The following BRCA2 variants were observed in gnomAD, a reference collection of about 807,000 sequenced individuals.
The protein encoded by BRCA2 is breast cancer type 2 susceptibility protein.
In BRCA2, 203 loss-of-function variants were observed where a neutral mutation model predicts 276.7. The ratio of observed to expected loss-of-function variants is 0.73; its 90% CI spans 0.65 to 0.82. The LOEUF (loss-of-function observed/expected upper bound fraction) is 0.82. Among genes scored for constraint, BRCA2 ranks in the 40% least tolerant of loss-of-function variants. The pLI is 0.00. For missense variants in BRCA2, 3,920 were observed against 3,915.0 expected (o/e 1.00, Z -0.03); for synonymous variants, 1,289 against 1,338.4 (o/e 0.96, Z 0.81).
chr13:32,357,463 A>G (rs1371820184), intron 15 of BRCA2, among the ~76,000 whole-genome samples: 1 of 152,148 alleles, frequency 6.6e-6, no homozygotes, highest in Non-Finnish European at 1.5e-5. Flanking sequence ...AAAACATCAC[A>G]TTTTTTTATC....
At chr13:32,346,794 A>G in intron 12 of BRCA2, 33 bp from the exon 13 acceptor site, 1 of 1,524,000 alleles carries the variant, frequency 6.6e-7, no homozygotes, top group Admixed American at 1.7e-5. Context: ...TTAGATTTTA[A>G]CTAATATGTA....
chr13:32,323,693 A>C (rs990573415), intron 3 of BRCA2, among the ~76,000 whole-genome samples: 4 of 152,210 alleles, frequency 2.6e-5, no homozygotes, highest in African/African-American at 7.2e-5. Flanking sequence ...ACTTTATTTT[A>C]GTAACATTGA....
At chr13:32,342,019 C>T (rs1282251440) in intron 11 of BRCA2, among the ~76,000 whole-genome samples, 2 of 151,948 alleles carry the variant, frequency 1.3e-5, no homozygotes, top group Admixed American at 1.3e-4. Flanking sequence ...TGCCTGTAAT[C>T]CCAGCACTTT....
At chr13:32,354,215 T>A (rs1262960458) in intron 13 of BRCA2, among the ~76,000 whole-genome samples, 1 of 152,164 alleles carries the variant, frequency 6.6e-6, no homozygotes, top group Non-Finnish European at 1.5e-5. Context: ...CATTAACAAC[T>A]TTATTGAGAA....
At chr13:32,384,311 C>T (rs1456816810) in intron 24 of BRCA2, among the ~76,000 whole-genome samples, 3 of 152,012 alleles carry the variant, frequency 2.0e-5, no homozygotes, top group Non-Finnish European at 2.9e-5. Context: ...GAAAGGGTGA[C>T]GGTAGTGGAG....
intron 18 of BRCA2, among the ~76,000 whole-genome samples, chr13:32,364,385 AT>A (rs2072767080): frequency 6.6e-6 from 1 of 152,114 alleles, no homozygotes; most frequent in African/African-American, 2.4e-5. Flanking sequence ...CTGTTTGACT[AT>A]TTTTTAGCTT....
intron 24 of BRCA2, among the ~76,000 whole-genome samples, chr13:32,386,938 G>A (rs1387548840): frequency 6.6e-6 from 1 of 152,160 alleles, no homozygotes; most frequent in Non-Finnish European, 1.5e-5. Context: ...GTGTTGGCAG[G>A]GTTAATTCCT....
At chr13:32,361,089 A>G (rs544652601) in intron 16 of BRCA2, among the ~76,000 whole-genome samples, 44 of 152,344 alleles carry the variant, frequency 2.9e-4, no homozygotes, top group African/African-American at 1.0e-3. Context: ...CAGGTAAAGT[A>G]TAGGCCAAAT....
chr13:32,339,899 T>A lies in BRCA2; in HGVS notation c.5544T>A (p.Ser1848Arg). 1 of 1,609,404 alleles carries A rather than the reference T, an allele frequency of 6.2e-7. No homozygotes were observed. Among genetic ancestry groups the A allele is most frequent in the Middle Eastern group, 1.7e-4 (1 of 6,038 alleles). The change falls in exon 11 of 27, where the codon AGT (serine) becomes AGA (arginine). Residue 1848 changes from serine to arginine, a missense_variant. Transcript: ENST00000380152. ...GGCCACCTGCATTTAGGATAGCCAG[T>A]GGTAAAATCGTTTGTGTTTCACATG... ...EVGPPAFRIA[S>R]GKIVCVSHET...
In BRCA2 at chr13:32,333,052, C is replaced by T. The variant is rs397507271; in HGVS notation, c.1574C>T (p.Thr525Ile). The T allele has an allele frequency of 4.4e-6, 7 of 1,608,254 alleles. No homozygotes were observed. Among genetic ancestry groups the T allele is most frequent in the Non-Finnish European group, 5.1e-6 (6 of 1,178,712 alleles). Residue 525 changes from threonine to isoleucine, a missense_variant, in exon 10 of 27, where the codon ACT (threonine) becomes ATT (isoleucine). Thr to Ile is a moderately conservative substitution (Grantham distance 89). Coordinates refer to ENST00000380152, the MANE Select transcript of BRCA2 (RefSeq NM_000059.4). ...AATGCAAGTTTTTCAGGTCATATGA[C>T]TGATCCAAACTTTAAAAAAGAAACT... ...TFNASFSGHM[T>I]DPNFKKETEA...
rs80359240 is a variant in BRCA2, at chr13:32,398,231, G to A, written c.9718G>A (p.Val3240Ile). Residue 3240 changes from valine to isoleucine, a missense_variant, in exon 27 of 27, where the codon GTT becomes ATT. Physicochemically the swap from Val to Ile is conservative, Grantham distance 29 (BLOSUM62 3). Coordinates refer to ENST00000380152, the MANE Select transcript of BRCA2 (RefSeq NM_000059.4). ...ACTTTGTATGGCCAAAAGGAAGTCT[G>A]TTTCCACACCTGTCTCAGCCCAGAT... ...LSLCMAKRKS[V>I]STPVSAQMTS... 9 of 1,613,610 alleles carry A rather than the reference G, an allele frequency of 5.6e-6. No homozygotes were observed. Among genetic ancestry groups the A allele is most frequent in the Non-Finnish European group, 7.6e-6 (9 of 1,179,932 alleles).
At chr13:32,379,011 A>G (rs1203326189) in intron 21 of BRCA2, among the ~76,000 whole-genome samples, 1 of 152,218 alleles carries the variant, frequency 6.6e-6, no homozygotes, top group Non-Finnish European at 1.5e-5. Flanking sequence ...TAGTACATTT[A>G]CTACACATAG....
chr13:32,345,112 C>T (rs554936480), intron 12 of BRCA2, among the ~76,000 whole-genome samples: 1 of 152,126 alleles, frequency 6.6e-6, no homozygotes, highest in African/African-American at 2.4e-5. Flanking sequence ...TGAATTTTTC[C>T]CCGGCAATAA....
rs886040836 is a variant in BRCA2 at position 32,394,786 on chromosome 13, GTTAA to G, written c.9357_9360del (p.Ile3120LeufsTer42). 2 of 1,614,072 alleles carry G rather than the reference GTTAA, an allele frequency of 1.2e-6. No individual in the cohort carries two copies. The highest frequency in any genetic ancestry group is 1.7e-6 in the Non-Finnish European group (2 of 1,179,994). ...ATGAGGACATTATTAAGCCTCATAT[GTTAA>G]TTGCTGCAAGCAACCTCCAGTGGCG... is the stretch of plus-strand genomic sequence containing the variant. On this transcript the variant is annotated frameshift_variant, in exon 25 of 27. Coordinates refer to ENST00000380152, the MANE Select transcript of BRCA2 (RefSeq NM_000059.4). LOFTEE classifies it high-confidence loss of function.
rs752172011 is a variant in BRCA2 at position 32,319,059 on chromosome 13, GA to G, written c.68-17del. The G allele has an allele frequency of 1.9e-6, 3 of 1,611,066 alleles. No homozygotes were observed. Among genetic ancestry groups the G allele is most frequent in the Non-Finnish European group, 2.5e-6 (3 of 1,179,092 alleles). On this transcript the variant is annotated splice_polypyrimidine_tract_variant and intron_variant, in intron 2 of 26. Coordinates refer to ENST00000380152, the MANE Select transcript of BRCA2 (RefSeq NM_000059.4). ...CTGTCACTGGTTAAAACTAAGGTGGGATTTTTTTTTTAAATAGATTTAGGAC... is the reference window on the plus strand; with the variant it reads ...CTGTCACTGGTTAAAACTAAGGTGGGTTTTTTTTTTAAATAGATTTAGGAC...
chr13:32,330,220 C>A (rs1371760819), intron 8 of BRCA2, among the ~76,000 whole-genome samples: 1 of 152,162 alleles, frequency 6.6e-6, no homozygotes, highest in Non-Finnish European at 1.5e-5. Context: ...GTTTTCTACC[C>A]ACAAATGTAA....
intron 3 of BRCA2, among the ~76,000 whole-genome samples, chr13:32,319,736 G>C (rs900973976): frequency 6.6e-6 from 1 of 152,148 alleles, no homozygotes; most frequent in East Asian, 1.9e-4. Context: ...CGTAGGTGCC[G>C]CATGTTTCTA....
At chr13:32,395,104 G>A (rs2073027277) in intron 25 of BRCA2, among the ~76,000 whole-genome samples, 171 bp downstream of exon 25, 1 of 152,186 alleles carries the variant, frequency 6.6e-6, no homozygotes, top group Non-Finnish European at 1.5e-5. Context: ...ATGGGGAAAT[G>A]ACAGCAACTA....
chr13:32,348,588 A>G (rs556393949), intron 13 of BRCA2, among the ~76,000 whole-genome samples: 2 of 152,324 alleles, frequency 1.3e-5, no homozygotes, highest in East Asian at 3.9e-4. Context: ...TTTCCAACCT[A>G]GAATCTGAAT....
Sources: gnomAD v4.1 joint callset for allele counts (sites outside exome capture counted in the v4.1 genomes callset) on GRCh38, gnomAD v4.1.1 for gene constraint, MANE v1.5 for transcripts, NCBI Gene and HGNC (gene_info 2026-07-23, HGNC 2026-07-21) for gene names.